Variants in PRXL2A observed in about 807,000 individuals in gnomAD.
PRXL2A encodes the protein peroxiredoxin like 2A.
A neutral mutation model predicts 25.6 loss-of-function variants in PRXL2A; 26 were observed. The ratio of observed to expected loss-of-function variants is 1.02; its 90% CI spans 0.74 to 1.41. The LOEUF is 1.41. Among genes scored for constraint, PRXL2A ranks in the 40% most tolerant of loss-of-function variants. The pLI is 0.00. For synonymous variants in PRXL2A, 98 were observed against 102.9 expected (o/e 0.95, Z 0.29); for missense variants, 246 against 273.9 (o/e 0.90, Z 0.72).
At chr10:80,426,690 C>G (rs1158372453) in intron 4 of PRXL2A, among the ~76,000 whole-genome samples, 8 of 152,192 alleles carry the variant, frequency 5.3e-5, no homozygotes, top group Admixed American at 2.0e-4. Flanking sequence ...CTCTTCTGCT[C>G]CCACCTCTGC....
intron 5 of PRXL2A, among the ~76,000 whole-genome samples, chr10:80,428,099 G>T (rs1039715617): frequency 1.4e-4 from 22 of 152,304 alleles, no homozygotes; most frequent in Non-Finnish European, 3.1e-4. Flanking sequence ...TTTCTGTGGG[G>T]ATCTTGGTGT....
At chr10:80,414,170 C>T (rs1490479760) in intron 1 of PRXL2A, among the ~76,000 whole-genome samples, 5 of 152,158 alleles carry the variant, frequency 3.3e-5, no homozygotes, top group Admixed American at 6.5e-5. Flanking sequence ...TGGGTCTCGT[C>T]CTCTTGCACC....
At chr10:80,425,808 A>G in intron 3 of PRXL2A, 58 bp from the exon 4 acceptor site, 2 of 1,607,666 alleles carry the variant, frequency 1.2e-6, no homozygotes, top group African/African-American at 2.7e-5. Context: ...CTGACACCCT[A>G]TGTGGAGGCC....
At chr10:80,423,267 T>C (rs934731241) in intron 3 of PRXL2A, among the ~76,000 whole-genome samples, 6 of 152,218 alleles carry the variant, frequency 3.9e-5, no homozygotes, top group Admixed American at 3.9e-4. Context: ...ACATTGCCAC[T>C]ACTTGGATCT....
intron 4 of PRXL2A, 145 bp downstream of exon 4, chr10:80,426,151 C>T: frequency 1.1e-6 from 1 of 924,192 alleles, no homozygotes; most frequent in Non-Finnish European, 1.7e-6. Flanking sequence ...CCTTTTTCAG[C>T]CCCCTGAGCA....
At chr10:80,409,086 C>T in intron 1 of PRXL2A, 2 of 985,180 alleles carry the variant, frequency 2.0e-6, no homozygotes, top group African/African-American at 1.7e-5. Context: ...CCTGGCAGTC[C>T]TCGTCCTCGT....
chr10:80,419,187 T>C (rs1226575851), intron 1 of PRXL2A, among the ~76,000 whole-genome samples: 1 of 152,094 alleles, frequency 6.6e-6, no homozygotes, highest in African/African-American at 2.4e-5. Flanking sequence ...GGTTTCACTG[T>C]GTTGGCCAGG....
chr10:80,427,816 C>A (rs1845101359), intron 5 of PRXL2A, among the ~76,000 whole-genome samples: 1 of 152,294 alleles, frequency 6.6e-6, no homozygotes, highest in Non-Finnish European at 1.5e-5. Context: ...GGTGGCTCTG[C>A]TAGGCCTGAA....
chr10:80,414,226 T>C (rs536114919), intron 1 of PRXL2A, among the ~76,000 whole-genome samples: 3 of 152,304 alleles, frequency 2.0e-5, no homozygotes, highest in Non-Finnish European at 4.4e-5. Context: ...CAGCTGTTGT[T>C]TGTTTGTGGC....
intron 1 of PRXL2A, among the ~76,000 whole-genome samples, chr10:80,412,702 A>G (rs1321262763): frequency 6.6e-6 from 1 of 152,160 alleles, no homozygotes; most frequent in East Asian, 1.9e-4. Flanking sequence ...GCTGGGCCTT[A>G]TGAATAAGTA....
At chr10:80,415,018 T>C (rs1479957356) in intron 1 of PRXL2A, among the ~76,000 whole-genome samples, 1 of 152,228 alleles carries the variant, frequency 6.6e-6, no homozygotes, top group Non-Finnish European at 1.5e-5. Flanking sequence ...CTTCAAGACA[T>C]GCCAGGATGG....
chr10:80,415,215 GTGC>G (rs753694770), intron 1 of PRXL2A, among the ~76,000 whole-genome samples: 2 of 152,236 alleles, frequency 1.3e-5, no homozygotes, highest in Non-Finnish European at 2.9e-5. Context: ...TCTCAGCATG[GTGC>G]TGCAGTGCCT....
At chr10:80,420,041 A>C in intron 1 of PRXL2A, 6 of 986,102 alleles carry the variant, frequency 6.1e-6, no homozygotes, top group Non-Finnish European at 7.2e-6. Context: ...CTACCCAGGG[A>C]CATGATCCTG....
chr10:80,409,257 A>G (rs370716342), intron 1 of PRXL2A, among the ~76,000 whole-genome samples: 1 of 152,192 alleles, frequency 6.6e-6, no homozygotes, highest in East Asian at 1.9e-4. Context: ...GCTGAGGTCT[A>G]GGAATGAAAA....
rs183494850 is a variant in PRXL2A, at chr10:80,423,564, T to G, written c.270+1056T>G. 1.6e-3 allele frequency among the ~76,000 whole-genome samples: 237 copies of G among 152,312 alleles called. 1 individual carries two copies. Among genetic ancestry groups the G allele is most frequent in the Non-Finnish European group, 2.9e-3 (194 of 68,030 alleles). On this transcript the variant is annotated intron_variant, in intron 3 of 5. Coordinates refer to ENST00000606162, the MANE Select transcript of PRXL2A (RefSeq NM_032333.5). Reference sequence around the variant, plus strand: ...CTCCATGCTTGTGTGGCTGGGCTGGTGAAGAATCCACTTGCACTGCTGGAT... The same window carrying G: ...CTCCATGCTTGTGTGGCTGGGCTGGGGAAGAATCCACTTGCACTGCTGGAT...
At chr10:80,408,267 G>A (rs964583608), upstream of PRXL2A, among the ~76,000 whole-genome samples, 1 of 152,148 alleles carries the variant, frequency 6.6e-6, no homozygotes, top group East Asian at 1.9e-4. Context: ...GTGCTTCCAG[G>A]CTCCATTAGG....
At position 80,422,455 on chromosome 10, in the gene PRXL2A, A is replaced by C; in HGVS notation, c.217A>C (p.Asn73His). The C allele has an allele frequency of 1.2e-6, 2 of 1,614,088 alleles. No homozygotes were observed. The highest frequency in any genetic ancestry group is 1.7e-6 in the Non-Finnish European group (2 of 1,180,014). Residue 73 changes from asparagine to histidine, a missense_variant, in exon 3 of 6, where the codon AAT (asparagine) becomes CAT (histidine). Transcript: ENST00000606162. ...CAAAGCAAAGGAGCTATGGGAAAAA[A>C]ATGGAGCTGTGATTATGGCCGTGCG... ...TFKAKELWEK[N>H]GAVIMAVRRP...
At chr10:80,424,054 G>T (rs893443165) in intron 3 of PRXL2A, among the ~76,000 whole-genome samples, 11 of 152,124 alleles carry the variant, frequency 7.2e-5, no homozygotes, top group African/African-American at 2.7e-4. Flanking sequence ...AATCCAGAAG[G>T]TTCCAAGAGC....
chr10:80,421,317 G>A (rs1000277654), intron 2 of PRXL2A, among the ~76,000 whole-genome samples: 1 of 152,210 alleles, frequency 6.6e-6, no homozygotes, highest in Non-Finnish European at 1.5e-5. Flanking sequence ...ACCCAAATGT[G>A]TTAGCTCTGC....
Sources: allele counts gnomAD v4.1 joint callset (sites outside exome capture counted in the v4.1 genomes callset), GRCh38; gene constraint gnomAD v4.1.1; transcripts MANE v1.5; gene names NCBI Gene and HGNC (gene_info 2026-07-23, HGNC 2026-07-21).